The following SLC67A1 variants were observed in gnomAD, a reference collection of about 807,000 sequenced individuals.
SLC67A1 encodes the protein solute carrier family 67 member 1.
the SLC67A1 span, chr11:2,915,296 T>TGC: frequency 0.086 from 77,354 of 903,878 alleles, 2,710 homozygotes; most frequent in Middle Eastern, 0.17. Flanking sequence ...TGTGTGTGTG[T>TGC]GCGCATGTGG....
chr11:2,902,478 T>C, the SLC67A1 span: 40 of 506,732 alleles, frequency 7.9e-5, no homozygotes, highest in South Asian at 2.4e-3. Context: ...GCGGCTGCCC[T>C]GCTCCCCCCA....
chr11:2,913,446 TG>T, the SLC67A1 span, among the ~76,000 whole-genome samples: 1 of 151,900 alleles, frequency 6.6e-6, no homozygotes, highest in African/African-American at 2.4e-5. Flanking sequence ...GAGGGCTATG[TG>T]TTTGGGGAAT....
At chr11:2,917,945 GGGACAAT>G in the SLC67A1 span, 29 of 1,514,022 alleles carry the variant, frequency 1.9e-5, no homozygotes, top group Non-Finnish European at 2.6e-5. Context: ...GGTGGGCATT[GGGACAAT>G]GGCCTTTGCA....
At chr11:2,918,142 C>G in the SLC67A1 span, 1 of 1,488,070 alleles carries the variant, frequency 6.7e-7, no homozygotes, top group Non-Finnish European at 9.3e-7. Context: ...CTGGCAGAGT[C>G]CCAGCTGCGG....
the SLC67A1 span, chr11:2,925,074 C>T: frequency 3.5e-4 from 559 of 1,613,720 alleles, 1 homozygote; most frequent in Middle Eastern, 1.7e-4. This position sits in a 1 kb window ranked among gnomAD's most constrained non-coding sequence, Gnocchi z 6.5. Context: ...CCACGGTCGG[C>T]GGCCTCCTGT....
the SLC67A1 span, among the ~76,000 whole-genome samples, chr11:2,915,707 G>T: frequency 6.6e-6 from 1 of 152,214 alleles, no homozygotes; most frequent in Non-Finnish European, 1.5e-5. Context: ...TTGCTCAGCT[G>T]CTGAGAGGAA....
chr11:2,914,610 TCC>T, the SLC67A1 span: 3 of 709,340 alleles, frequency 4.2e-6, 1 homozygote, highest in Admixed American at 1.3e-4. Flanking sequence ...CCCCAGGCTT[TCC>T]TGTTGCCCAC....
the SLC67A1 span, among the ~76,000 whole-genome samples, chr11:2,908,010 C>T: frequency 2.0e-5 from 3 of 152,148 alleles, no homozygotes; most frequent in Non-Finnish European, 2.9e-5. Context: ...CCTGGGCTCC[C>T]GCCTAGGAGA....
At chr11:2,919,982 CCTCCACCACCAG>C in the SLC67A1 span, 1 of 152,380 alleles carries the variant, frequency 6.6e-6, no homozygotes, top group African/African-American at 2.4e-5. Flanking sequence ...GGGCGAGACA[CCTCCACCACCAG>C]CTCCTCTGGG....
the SLC67A1 span, among the ~76,000 whole-genome samples, chr11:2,915,687 G>A: frequency 3.3e-5 from 5 of 152,238 alleles, no homozygotes; most frequent in African/African-American, 1.2e-4. Context: ...CTTGCAGGCT[G>A]TATAGGAGTT....
the SLC67A1 span, chr11:2,909,508 G>A: frequency 1.2e-5 from 17 of 1,456,480 alleles, no homozygotes; most frequent in Non-Finnish European, 1.3e-5. Flanking sequence ...GGCTTGTGGA[G>A]GGGCGGGTCA....
the SLC67A1 span, chr11:2,922,185 C>A: frequency 6.2e-7 from 1 of 1,613,502 alleles, no homozygotes; most frequent in Non-Finnish European, 8.5e-7. Flanking sequence ...TGGTCTTCAT[C>A]GTGGTGGGCC....
At chr11:2,900,401 G>C in the SLC67A1 span, among the ~76,000 whole-genome samples, 1 of 151,968 alleles carries the variant, frequency 6.6e-6, no homozygotes, top group Non-Finnish European at 1.5e-5. Flanking sequence ...CCAAAGATAT[G>C]GGGGAAACAG....
At chr11:2,907,216 G>T in the SLC67A1 span, among the ~76,000 whole-genome samples, 1 of 152,062 alleles carries the variant, frequency 6.6e-6, no homozygotes, top group Non-Finnish European at 1.5e-5. This position sits in a 1 kb window ranked among gnomAD's most constrained non-coding sequence, Gnocchi z 6.7. Flanking sequence ...GTCCAGGGGA[G>T]GGGGCGGGGG....
the SLC67A1 span, chr11:2,921,469 T>C: frequency 6.5e-6 from 1 of 154,938 alleles, no homozygotes; most frequent in African/African-American, 2.4e-5. Flanking sequence ...CCCAGGCGCG[T>C]TGGCCCAGCA....
the SLC67A1 span, chr11:2,915,055 C>T: frequency 1.0e-6 from 1 of 985,430 alleles, no homozygotes; most frequent in Non-Finnish European, 1.2e-6. Context: ...GGAGTCGGAG[C>T]TGCCCTGATG....
chr11:2,909,693 C>T, the SLC67A1 span: 2 of 1,540,222 alleles, frequency 1.3e-6, no homozygotes, highest in African/African-American at 2.8e-5. Flanking sequence ...TGGGCGGGAC[C>T]CTGGTCTCCG....
the SLC67A1 span, chr11:2,909,927 G>C: frequency 2.0e-6 from 1 of 500,364 alleles, no homozygotes; most frequent in South Asian, 3.0e-5. Context: ...TCCCAGTGCT[G>C]TCCGGGGCGC....
the SLC67A1 span, chr11:2,918,053 C>T: frequency 1.2e-6 from 2 of 1,613,694 alleles, no homozygotes; most frequent in Non-Finnish European, 1.7e-6. Context: ...GCCAGACGTC[C>T]CGAGGATCTT....
Sources: allele counts gnomAD v4.1 joint callset (sites outside exome capture counted in the v4.1 genomes callset), GRCh38; gene constraint gnomAD v4.1.1; non-coding constraint Gnocchi (gnomAD v3.1); transcripts MANE v1.5; gene names NCBI Gene and HGNC (gene_info 2026-07-23, HGNC 2026-07-21).